The following MPPED2 variants were observed in gnomAD, a reference collection of about 807,000 sequenced individuals.
MPPED2 encodes the protein metallophosphoesterase domain containing 2.
Under a neutral mutation model 33.0 loss-of-function variants are expected in MPPED2, and 5 were observed. The observed-to-expected ratio is 0.15, with a 90% CI of 0.08 to 0.32. The LOEUF (loss-of-function observed/expected upper bound fraction) is 0.32. Ranked by LOEUF, MPPED2 falls within the 10% of genes least tolerant of loss-of-function variation. The probability of loss-of-function intolerance (pLI) is 1.00; values close to 1 mark genes in which losing one functional copy is unlikely to be tolerated. For missense variants in MPPED2, 275 were observed against 372.1 expected (o/e 0.74, Z 2.15); for synonymous variants, 136 against 141.9 (o/e 0.96, Z 0.29).
At chr11:30,454,299 G>C (rs1455893648) in intron 4 of MPPED2, among the ~76,000 whole-genome samples, 1 of 152,080 alleles carries the variant, frequency 6.6e-6, no homozygotes, top group Non-Finnish European at 1.5e-5. Flanking sequence ...TGTGATAAAT[G>C]GCTGTCTAAC....
At chr11:30,406,264 G>A (rs529613724), downstream of MPPED2, among the ~76,000 whole-genome samples, 2 of 152,270 alleles carry the variant, frequency 1.3e-5, no homozygotes, top group African/African-American at 4.8e-5. Flanking sequence ...ATCACACTAT[G>A]TCAGGCCAAA....
chr11:30,490,314 C>G (rs974603010), intron 4 of MPPED2, among the ~76,000 whole-genome samples: 21 of 152,106 alleles, frequency 1.4e-4, no homozygotes, highest in Non-Finnish European at 7.4e-5. Flanking sequence ...AAACCTTCTT[C>G]TTCTGCACTC....
chr11:30,523,689 G>A (rs1359847033), intron 3 of MPPED2, among the ~76,000 whole-genome samples: 3 of 147,022 alleles, frequency 2.0e-5, no homozygotes, highest in Admixed American at 6.9e-5. Context: ...GTGCAGTGGC[G>A]TGATCTCAGC....
At chr11:30,582,145 C>T (rs1020161893) in intron 1 of MPPED2, among the ~76,000 whole-genome samples, 1 of 152,138 alleles carries the variant, frequency 6.6e-6, no homozygotes, top group Non-Finnish European at 1.5e-5. Context: ...AAACACAACA[C>T]CTGCTTCAAA....
Position 30,427,218 on chromosome 11 carries a change from G to C in MPPED2, c.537-9585C>G, listed in dbSNP as rs372182000. ...GCTGGATTTTGTCTTGTTACATAGC[G>C]AACTCTCAAGAATTGATGTTAATAA... On this transcript the variant is annotated intron_variant, in intron 4 of 6. Transcript: ENST00000358117. 4.6e-5 allele frequency among the ~76,000 whole-genome samples: 7 copies of C among 152,286 alleles called. No homozygotes were observed. The East Asian group carries it at 1.4e-3, about 29-fold the overall frequency.
At chr11:30,525,757 C>T (rs1954130583) in intron 3 of MPPED2, among the ~76,000 whole-genome samples, 1 of 152,096 alleles carries the variant, frequency 6.6e-6, no homozygotes, top group Non-Finnish European at 1.5e-5. Context: ...ACAATATAAG[C>T]ATTAATGATC....
chr11:30,468,224 T>C (rs919726274), intron 4 of MPPED2, among the ~76,000 whole-genome samples: 1 of 142,050 alleles, frequency 7.0e-6, no homozygotes, highest in African/African-American at 2.8e-5. Flanking sequence ...AAATATGGCA[T>C]ACTATACACA....
intron 2 of MPPED2, among the ~76,000 whole-genome samples, chr11:30,573,831 CTTAATTT>C (rs1279491353): frequency 6.6e-6 from 1 of 151,862 alleles, no homozygotes; most frequent in Admixed American, 6.6e-5. Context: ...CCCACCATGT[CTTAATTT>C]TTAACAAAAA....
intron 4 of MPPED2, among the ~76,000 whole-genome samples, chr11:30,465,444 T>C (rs1428920555): frequency 1.3e-5 from 2 of 152,196 alleles, no homozygotes; most frequent in African/African-American, 2.4e-5. Context: ...CACGGCATCA[T>C]GCCTGGCTAA....
At chr11:30,475,290 G>T (rs925326627) in intron 4 of MPPED2, among the ~76,000 whole-genome samples, 2 of 151,926 alleles carry the variant, frequency 1.3e-5, no homozygotes, top group Non-Finnish European at 2.9e-5. Context: ...AAATTTTATT[G>T]GGATAAAATT....
intron 2 of MPPED2, among the ~76,000 whole-genome samples, chr11:30,543,857 C>T (rs561632024): frequency 6.8e-6 from 1 of 146,718 alleles, no homozygotes; most frequent in East Asian, 2.0e-4. Context: ...AGCCATTATG[C>T]CCCAGAACAG....
chr11:30,494,035 G>A (rs896792746), intron 4 of MPPED2, among the ~76,000 whole-genome samples: 1 of 152,160 alleles, frequency 6.6e-6, no homozygotes, highest in African/African-American at 2.4e-5. Flanking sequence ...CTCTCAACCA[G>A]TAACTTTCAA....
In MPPED2 at chr11:30,495,301, T is replaced by C; in HGVS notation, c.531A>G (p.Ala177=). The change falls in exon 4 of 7, where the codon GCA becomes GCG. Residue 177 remains alanine, a synonymous_variant. Coordinates refer to ENST00000358117, the MANE Select transcript of MPPED2 (RefSeq NM_001584.3). ...CTGTTTGAATCATCACTTACCAAGG[T>C]GCACCGTATATCCTGAATCCCTTCA... ...VTVKGFRIYG[A]PWTPWFNGWG... is the part of the protein sequence containing the mutation. The C allele has an allele frequency of 6.2e-7, 1 of 1,609,542 alleles. No homozygotes were observed. Among genetic ancestry groups the C allele is most frequent in the South Asian group, 1.1e-5 (1 of 90,960 alleles).
chr11:30,491,186 A>C (rs1951966608), intron 4 of MPPED2, among the ~76,000 whole-genome samples: 1 of 152,240 alleles, frequency 6.6e-6, no homozygotes, highest in African/African-American at 2.4e-5. Flanking sequence ...AGTTCTCCCA[A>C]ACGTTGCTTC....
chr11:30,438,975 GT>G (rs1949443589), intron 4 of MPPED2, among the ~76,000 whole-genome samples: 1 of 152,170 alleles, frequency 6.6e-6, no homozygotes, highest in Admixed American at 6.5e-5. Flanking sequence ...CTAAATAGTT[GT>G]TAAAGTACAA....
intron 2 of MPPED2, among the ~76,000 whole-genome samples, chr11:30,540,698 A>G (rs571697283): frequency 3.7e-4 from 57 of 152,258 alleles, no homozygotes; most frequent in Non-Finnish European, 6.5e-4. Context: ...ATATACTGGG[A>G]GCGGAATCCA....
intron 4 of MPPED2, among the ~76,000 whole-genome samples, chr11:30,451,194 G>A (rs77749580): frequency 0.016 from 2,504 of 152,288 alleles, 84 homozygotes; most frequent in African/African-American, 0.055. Context: ...TGATCTATAA[G>A]CTGTCTTCCA....
intron 4 of MPPED2, among the ~76,000 whole-genome samples, chr11:30,430,130 C>T (rs1274110777): frequency 6.6e-6 from 1 of 151,994 alleles, no homozygotes; most frequent in East Asian, 1.9e-4. Context: ...CCAGATACTA[C>T]GTGTAACTGG....
At chr11:30,527,801 C>A (rs1247381905) in intron 3 of MPPED2, among the ~76,000 whole-genome samples, 1 of 152,150 alleles carries the variant, frequency 6.6e-6, no homozygotes, top group Admixed American at 6.5e-5. Context: ...CTCCCCTCCC[C>A]CTGTCTCTCC....
Sources: gnomAD v4.1 joint callset for allele counts (sites outside exome capture counted in the v4.1 genomes callset) on GRCh38, gnomAD v4.1.1 for gene constraint, MANE v1.5 for transcripts, NCBI Gene and HGNC (gene_info 2026-07-23, HGNC 2026-07-21) for gene names.